The following PREX2 variants were observed in gnomAD, a reference collection of about 807,000 sequenced individuals.
PREX2 encodes the protein phosphatidylinositol-3,4,5-trisphosphate dependent Rac exchange factor 2.
In PREX2, 107 loss-of-function variants were observed where a neutral mutation model predicts 203.2. The observed-to-expected ratio is 0.53, with a 90% CI of 0.45 to 0.62. The LOEUF is 0.62. Ranked by LOEUF, PREX2 falls within the 20% of genes least tolerant of loss-of-function variation. PREX2 has a pLI of 0.00. For missense variants in PREX2, 1,777 were observed against 1,955.9 expected, an observed-to-expected ratio of 0.91 and a Z score of 1.72; for synonymous variants, 672 against 663.6, an observed-to-expected ratio of 1.01 and a Z score of -0.19.
intron 18 of PREX2, among the ~76,000 whole-genome samples, chr8:68,083,865 A>G (rs910899277): frequency 2.6e-5 from 4 of 152,290 alleles, no homozygotes; most frequent in Admixed American, 6.5e-5. Context: ...AAAAAATTCT[A>G]TTAACTATCT....
chr8:68,053,109 G>A lies in PREX2; in HGVS notation c.956G>A (p.Ser319Asn), dbSNP rs1410340621. 1.9e-6 allele frequency: 3 copies of A among 1,612,870 alleles called. No individual in the cohort carries two copies. Among genetic ancestry groups the A allele is most frequent in the Non-Finnish European group, 2.5e-6 (3 of 1,179,314 alleles). The stretch of plus-strand genomic sequence containing the variant: ...CATTAATTTACAGCTGATTTCCATA[G>A]CAGTGGACACATTGTTGTTAATGGA... ...NVDDGTADFH[S>N]SGHIVVNGWK... Residue 319 changes from serine to asparagine, a missense_variant, in exon 9 of 40, where the codon AGC (serine) becomes AAC (asparagine). Transcript: ENST00000288368.
chr8:68,179,943 C>A (rs372361602), intron 35 of PREX2, among the ~76,000 whole-genome samples: 42 of 152,234 alleles, frequency 2.8e-4, no homozygotes, highest in African/African-American at 9.6e-4. Flanking sequence ...TCATTTACCT[C>A]CTCACTGCTG....
chr8:67,972,467 C>A (rs965438978), intron 1 of PREX2, among the ~76,000 whole-genome samples: 1 of 152,208 alleles, frequency 6.6e-6, no homozygotes, highest in African/African-American at 2.4e-5. Flanking sequence ...GAATTTACTG[C>A]ATTCTCTTCC....
rs912263979 is a variant in PREX2 at position 68,013,915 on chromosome 8, A to G, written c.142-3931A>G. Reference sequence around the variant, plus strand: ...TGTATGATACAAAATTCAGATTGGCATCGGGTATCTAGAATTAAAAGTATA... The same window carrying G: ...TGTATGATACAAAATTCAGATTGGCGTCGGGTATCTAGAATTAAAAGTATA... On this transcript the variant is annotated intron_variant, in intron 1 of 39. Transcript: ENST00000288368. 6.6e-5 allele frequency among the ~76,000 whole-genome samples: 10 copies of G among 152,200 alleles called. No individual in the cohort carries two copies. The East Asian group carries it at 1.9e-3, about 29-fold the overall frequency.
chr8:68,196,255 A>G (rs1585857987), intron 37 of PREX2, among the ~76,000 whole-genome samples: 1 of 150,574 alleles, frequency 6.6e-6, no homozygotes, highest in East Asian at 1.9e-4. Context: ...TTTAATTAAT[A>G]TAATATAATT....
At chr8:68,133,391 A>T (rs1161513710) in intron 31 of PREX2, among the ~76,000 whole-genome samples, 1 of 152,186 alleles carries the variant, frequency 6.6e-6, no homozygotes, top group Non-Finnish European at 1.5e-5. Context: ...CAGGATAAGA[A>T]TCCTGGTAAA....
intron 33 of PREX2, among the ~76,000 whole-genome samples, chr8:68,142,084 C>T (rs868740311): frequency 2.6e-5 from 4 of 152,048 alleles, no homozygotes; most frequent in South Asian, 2.1e-4. Flanking sequence ...ATAGCCCTCA[C>T]GATAGAGGCA....
intron 31 of PREX2, 113 bp from the exon 32 acceptor site, chr8:68,133,946 A>G: frequency 2.5e-6 from 2 of 785,426 alleles, no homozygotes; most frequent in Middle Eastern, 3.6e-4. Context: ...CATTTTTCAC[A>G]TGCGTGAGTT....
At chr8:68,146,982 A>G (rs1490708119) in intron 34 of PREX2, among the ~76,000 whole-genome samples, 2 of 152,118 alleles carry the variant, frequency 1.3e-5, no homozygotes, top group African/African-American at 4.8e-5. Flanking sequence ...AAGGTCTTGA[A>G]TCTTTCTTAT....
intron 11 of PREX2, among the ~76,000 whole-genome samples, 190 bp downstream of exon 11, chr8:68,060,969 C>A (rs750537740): frequency 6.6e-6 from 1 of 151,976 alleles, no homozygotes; most frequent in Non-Finnish European, 1.5e-5. Flanking sequence ...TATTTGTTAA[C>A]CTTAAAATGA....
chr8:68,146,439 A>T, intron 34 of PREX2, 87 bp downstream of exon 34: 1 of 1,183,142 alleles, frequency 8.5e-7, no homozygotes, highest in Admixed American at 2.5e-5. Context: ...AACAGTTGGG[A>T]TTTTTAAATT....
At chr8:68,212,650 A>C (rs370284695) in intron 37 of PREX2, among the ~76,000 whole-genome samples, 1 of 152,140 alleles carries the variant, frequency 6.6e-6, no homozygotes, top group Admixed American at 6.5e-5. Flanking sequence ...TTTTCTCCAC[A>C]ATTTTTGTAA....
intron 18 of PREX2, 94 bp from the exon 19 acceptor site, chr8:68,087,630 G>A: frequency 1.1e-6 from 1 of 895,132 alleles, no homozygotes; most frequent in Non-Finnish European, 1.9e-6. Context: ...TCCTCAATAT[G>A]TATTTATTGA....
At chr8:68,108,054 T>C in intron 23 of PREX2, 55 bp from the exon 24 acceptor site, 1 of 1,174,966 alleles carries the variant, frequency 8.5e-7, no homozygotes, top group Middle Eastern at 2.0e-4. Flanking sequence ...GAAAAAAAGA[T>C]GCCTGAGTTA....
At chr8:68,210,557 G>C (rs1215882123) in intron 37 of PREX2, among the ~76,000 whole-genome samples, 1 of 152,182 alleles carries the variant, frequency 6.6e-6, no homozygotes, top group Non-Finnish European at 1.5e-5. Context: ...GGTTTCCCAT[G>C]TCATTTCATT....
At chr8:68,004,145 G>C (rs1807026195) in intron 1 of PREX2, among the ~76,000 whole-genome samples, 1 of 152,132 alleles carries the variant, frequency 6.6e-6, no homozygotes, top group Non-Finnish European at 1.5e-5. Flanking sequence ...GCTGAGTCAA[G>C]TGAGGATTAA....
At chr8:67,955,825 G>T (rs975715161) in intron 1 of PREX2, among the ~76,000 whole-genome samples, 1 of 152,094 alleles carries the variant, frequency 6.6e-6, no homozygotes, top group Admixed American at 6.5e-5. Flanking sequence ...TGAACATTTT[G>T]ATTTCCTGTT....
chr8:67,976,539 C>T lies in PREX2; in HGVS notation c.141+24004C>T, dbSNP rs796301294. Among the ~76,000 whole-genome samples the T allele has an allele frequency of 3.4e-3, 137 of 40,356 alleles. 8 individuals carry two copies. In the East Asian group the frequency reaches 0.043, roughly 13 times the overall value. The allele number at this position is 40,356 out of a possible 152,430, so 26.5% of individuals were successfully genotyped here. On this transcript the variant is annotated intron_variant, in intron 1 of 39. Coordinates refer to ENST00000288368, the MANE Select transcript of PREX2 (RefSeq NM_024870.4). ...AGAGACAGAGACAGAGAGAGAGAGA[C>T]GGGAGAGAGACAGAGAGAGAGAGAC...
chr8:68,080,375 C>T, intron 15 of PREX2, 68 bp from the exon 16 acceptor site: 1 of 1,387,966 alleles, frequency 7.2e-7, no homozygotes, highest in South Asian at 1.2e-5. Context: ...TTGTAAATGT[C>T]ACTGCTATTG....
Sources: allele counts gnomAD v4.1 joint callset (sites outside exome capture counted in the v4.1 genomes callset), GRCh38; gene constraint gnomAD v4.1.1; transcripts MANE v1.5; gene names NCBI Gene and HGNC (gene_info 2026-07-23, HGNC 2026-07-21).